The following AGMO variants were observed in gnomAD, a reference collection of about 807,000 sequenced individuals.
The protein encoded by AGMO is glyceryl-ether monooxygenase.
AGMO carries 75 observed loss-of-function variants against 60.2 expected under a neutral mutation model. The ratio of observed to expected loss-of-function variants is 1.25; its 90% CI spans 1.03 to 1.51. The LOEUF (loss-of-function observed/expected upper bound fraction) is 1.51. Ranked by LOEUF, AGMO falls within the 40% of genes most tolerant of loss-of-function variation. The pLI, the probability that AGMO is intolerant of heterozygous loss-of-function variation, is 0.00. For synonymous variants in AGMO, 261 were observed against 177.1 expected (o/e 1.47, Z -3.76); for missense variants, 763 against 525.5 (o/e 1.45, Z -4.42).
At chr7:15,230,835 A>G (rs1367794932) in intron 12 of AGMO, among the ~76,000 whole-genome samples, 1 of 151,986 alleles carries the variant, frequency 6.6e-6, no homozygotes, top group Non-Finnish European at 1.5e-5. Context: ...CTCCCTCAAT[A>G]TTGAGAAGAC....
At position 15,268,508 on chromosome 7, in the gene AGMO, A is replaced by G. The variant is rs575402583; in HGVS notation, c.1264-67149T>C. 8.3e-4 allele frequency among the ~76,000 whole-genome samples: 127 copies of G among 152,140 alleles called. 1 individual carries two copies. Among genetic ancestry groups the G allele is most frequent in the African/African-American group, 3.0e-3 (123 of 41,560 alleles). ...TCCATATGGTCATGCAATTATATTTATTGTTTAGTTGTGAAGGAGTCTGGA... is the reference window on the plus strand; with the variant it reads ...TCCATATGGTCATGCAATTATATTTGTTGTTTAGTTGTGAAGGAGTCTGGA... On this transcript the variant is annotated intron_variant, in intron 12 of 12. Coordinates refer to ENST00000342526, the MANE Select transcript of AGMO (RefSeq NM_001004320.2).
chr7:15,318,519 T>C lies in AGMO; in HGVS notation c.1263+46995A>G, dbSNP rs1194347627. On this transcript the variant is annotated intron_variant, in intron 12 of 12. Coordinates refer to ENST00000342526, the MANE Select transcript of AGMO (RefSeq NM_001004320.2). ...CACATGGTCAAATAAGCTGATATGA[T>C]TGACTCAGACAAAGTTCACAAGCTA... Among the ~76,000 whole-genome samples the C allele has an allele frequency of 3.3e-5, 5 of 152,234 alleles. No individual in the cohort carries two copies. The East Asian group carries it at 9.7e-4, about 29-fold the overall frequency.
At chr7:15,557,951 A>T (rs1785191885) in intron 2 of AGMO, among the ~76,000 whole-genome samples, 1 of 151,356 alleles carries the variant, frequency 6.6e-6, no homozygotes, top group East Asian at 2.0e-4. Flanking sequence ...AAAGAACCTC[A>T]TGTTCTATCC....
intron 12 of AGMO, among the ~76,000 whole-genome samples, chr7:15,363,750 T>C (rs1177619280): frequency 6.6e-6 from 1 of 152,150 alleles, no homozygotes; most frequent in Non-Finnish European, 1.5e-5. Context: ...CATTCCCACA[T>C]ATTTACAACA....
At chr7:15,479,568 G>T (rs1003457125) in intron 3 of AGMO, among the ~76,000 whole-genome samples, 2 of 151,718 alleles carry the variant, frequency 1.3e-5, no homozygotes, top group Non-Finnish European at 1.5e-5. Context: ...GATCATCATG[G>T]TTTTTTTTCA....
At chr7:15,451,186 G>T (rs1452112354) in intron 3 of AGMO, among the ~76,000 whole-genome samples, 1 of 152,016 alleles carries the variant, frequency 6.6e-6, no homozygotes, top group Non-Finnish European at 1.5e-5. Context: ...ATAGAGAGAG[G>T]TATATAGATA....
chr7:15,560,104 A>G, intron 2 of AGMO, 37 bp downstream of exon 2: 1 of 1,526,090 alleles, frequency 6.6e-7, no homozygotes, highest in Non-Finnish European at 8.9e-7. Flanking sequence ...AGGCAATTTC[A>G]GTTTTTATGC....
intron 12 of AGMO, among the ~76,000 whole-genome samples, chr7:15,207,714 C>A (rs1047523586): frequency 6.6e-6 from 1 of 152,164 alleles, no homozygotes; most frequent in Admixed American, 6.5e-5. Context: ...GTGGGCAGAT[C>A]ACGAGGTCAG....
intron 12 of AGMO, among the ~76,000 whole-genome samples, chr7:15,297,316 C>A (rs1172141034): frequency 6.6e-6 from 1 of 152,092 alleles, no homozygotes; most frequent in African/African-American, 2.4e-5. Flanking sequence ...TTCTAAAGGA[C>A]AAGAGTACAT....
chr7:15,491,508 G>A (rs1485403277), intron 3 of AGMO, among the ~76,000 whole-genome samples: 6 of 152,094 alleles, frequency 3.9e-5, no homozygotes, highest in Non-Finnish European at 7.4e-5. Flanking sequence ...ATACCACAAA[G>A]TAAGTGCTAT....
chr7:15,322,957 A>AAG (rs1376372643), intron 12 of AGMO, among the ~76,000 whole-genome samples: 6 of 136,216 alleles, frequency 4.4e-5, no homozygotes, highest in African/African-American at 8.4e-5. Context: ...TATATATATA[A>AAG]CACGTGTGTG....
intron 3 of AGMO, among the ~76,000 whole-genome samples, chr7:15,493,626 C>G (rs1783137159): frequency 6.6e-6 from 1 of 151,914 alleles, no homozygotes; most frequent in African/African-American, 2.4e-5. Flanking sequence ...CCGCCCGCCT[C>G]GGCCTCCCAA....
intron 3 of AGMO, among the ~76,000 whole-genome samples, chr7:15,485,080 C>T (rs1433085006): frequency 2.8e-5 from 4 of 144,378 alleles, no homozygotes; most frequent in African/African-American, 1.0e-4. Context: ...GGTGGATCAT[C>T]GAGGTGAGGA....
chr7:15,124,012 C>T, the AGMO span, among the ~76,000 whole-genome samples: 2 of 152,076 alleles, frequency 1.3e-5, no homozygotes, highest in African/African-American at 2.4e-5. Flanking sequence ...CCTTGTAGTA[C>T]AGCCAGAGTG....
intron 12 of AGMO, among the ~76,000 whole-genome samples, chr7:15,213,561 T>TA (rs527360018): frequency 1.2e-4 from 18 of 151,926 alleles, no homozygotes; most frequent in South Asian, 8.3e-4. Context: ...AATTGAACAG[T>TA]AAAAAAACCC....
At chr7:15,432,516 A>G (rs1781284148) in intron 3 of AGMO, among the ~76,000 whole-genome samples, 1 of 151,406 alleles carries the variant, frequency 6.6e-6, no homozygotes, top group Admixed American at 6.6e-5. Flanking sequence ...TATAAGAAGG[A>G]CTTAATTCTG....
At chr7:15,337,886 C>T (rs1466357454) in intron 12 of AGMO, among the ~76,000 whole-genome samples, 1 of 152,160 alleles carries the variant, frequency 6.6e-6, no homozygotes, top group Non-Finnish European at 1.5e-5. Context: ...GGAAGCTTCT[C>T]TCCAGTGGAT....
intron 5 of AGMO, chr7:15,396,491 C>G (rs764254596): frequency 1.3e-5 from 2 of 152,204 alleles, no homozygotes; most frequent in Admixed American, 6.5e-5. Context: ...TGGCAGGGAC[C>G]CAAAGAACGA....
At chr7:15,370,086 T>C (rs748451111) in intron 10 of AGMO, among the ~76,000 whole-genome samples, 1 of 152,162 alleles carries the variant, frequency 6.6e-6, no homozygotes, top group Non-Finnish European at 1.5e-5. Context: ...CCCCAGTGTC[T>C]ATTGTTGTCA....
Sources: gnomAD v4.1 joint callset for allele counts (sites outside exome capture counted in the v4.1 genomes callset) on GRCh38, gnomAD v4.1.1 for gene constraint, MANE v1.5 for transcripts, NCBI Gene and HGNC (gene_info 2026-07-23, HGNC 2026-07-21) for gene names.